Variants in NRXN3 observed in about 807,000 individuals in gnomAD.
NRXN3 encodes neurexin 3.
NRXN3 carries 32 observed loss-of-function variants against 137.6 expected under a neutral mutation model. That is an observed-to-expected ratio of 0.23 (90% CI 0.18 to 0.31). The LOEUF (loss-of-function observed/expected upper bound fraction) is 0.31, where lower values mean the gene tolerates loss of function less well. NRXN3 is among the 10% of genes least tolerant of loss of function. The probability of loss-of-function intolerance (pLI) is 1.00; values close to 1 mark genes in which losing one functional copy is unlikely to be tolerated. For missense variants in NRXN3, 1,574 were observed against 2,062.5 expected (o/e 0.76, Z 4.59); for synonymous variants, 798 against 784.5 (o/e 1.02, Z -0.29).
chr14:78,746,762 A>T (rs1250911899), intron 8 of NRXN3, among the ~76,000 whole-genome samples: 2 of 152,216 alleles, frequency 1.3e-5, no homozygotes, highest in African/African-American at 4.8e-5. Context: ...TTTGGTCCTC[A>T]CATCTTCTTT....
intron 18 of NRXN3, among the ~76,000 whole-genome samples, chr14:79,693,786 G>A (rs923031705): frequency 2.0e-5 from 3 of 151,764 alleles, no homozygotes; most frequent in Admixed American, 6.6e-5. Flanking sequence ...GATGGGGGGA[G>A]GGGTGGCTGA....
At chr14:79,039,380 C>G (rs1223960895) in intron 15 of NRXN3, among the ~76,000 whole-genome samples, 1 of 152,054 alleles carries the variant, frequency 6.6e-6, no homozygotes, top group African/African-American at 2.4e-5. Context: ...TAACAGTTTC[C>G]ACTCAACAAT....
chr14:78,377,893 A>G (rs1184505081), intron 4 of NRXN3, among the ~76,000 whole-genome samples: 1 of 152,234 alleles, frequency 6.6e-6, no homozygotes, highest in Non-Finnish European at 1.5e-5. Context: ...TAACAATATA[A>G]AATAACTCAA....
intron 18 of NRXN3, among the ~76,000 whole-genome samples, chr14:79,694,459 C>A (rs1203729538): frequency 2.0e-5 from 3 of 151,550 alleles, no homozygotes; most frequent in Admixed American, 6.6e-5. Flanking sequence ...TTGTTATAAC[C>A]AAATTTTGCA....
At chr14:79,187,660 C>CAAAAAAAAA (rs1272684800) in intron 15 of NRXN3, among the ~76,000 whole-genome samples, 28 of 20,306 alleles carry the variant, frequency 1.4e-3, no homozygotes, top group African/African-American at 4.9e-3. Context: ...GACTCCGTCT[C>CAAAAAAAAA]AAAAAAAAAA....
At chr14:79,096,110 CTT>C (rs58994977) in intron 15 of NRXN3, among the ~76,000 whole-genome samples, 5 of 144,626 alleles carry the variant, frequency 3.5e-5, no homozygotes, top group Admixed American at 6.9e-5. Flanking sequence ...TTATTCTATT[CTT>C]TTTTTTTTTT....
chr14:78,355,642 A>G (rs2084184347), intron 4 of NRXN3, among the ~76,000 whole-genome samples: 1 of 152,168 alleles, frequency 6.6e-6, no homozygotes, highest in Non-Finnish European at 1.5e-5. Flanking sequence ...CTGGTCTTGA[A>G]CTGCTGGCCT....
At chr14:78,574,392 G>A (rs1294870235) in intron 4 of NRXN3, among the ~76,000 whole-genome samples, 1 of 152,176 alleles carries the variant, frequency 6.6e-6, no homozygotes, top group African/African-American at 2.4e-5. Context: ...AAAGCTGCAG[G>A]GACTCAATGC....
intron 4 of NRXN3, among the ~76,000 whole-genome samples, chr14:78,518,557 G>C (rs954199036): frequency 6.6e-6 from 1 of 152,074 alleles, no homozygotes; most frequent in Non-Finnish European, 1.5e-5. Context: ...AAACCTCTGG[G>C]ATCCAGCAGA....
intron 19 of NRXN3, among the ~76,000 whole-genome samples, chr14:79,740,743 T>TAAATATAA (rs2098959877): frequency 2.1e-5 from 1 of 48,262 alleles, no homozygotes; most frequent in Non-Finnish European, 4.5e-5. Context: ...TATATATATA[T>TAAATATAA]ATATATATAT....
At chr14:78,617,888 TAA>T (rs1298867648) in intron 4 of NRXN3, among the ~76,000 whole-genome samples, 1 of 150,236 alleles carries the variant, frequency 6.7e-6, no homozygotes, top group Non-Finnish European at 1.5e-5. Flanking sequence ...GGTGCAAAAG[TAA>T]TTGCGGTTTT....
intron 4 of NRXN3, among the ~76,000 whole-genome samples, chr14:78,576,619 C>T (rs186465688): frequency 3.6e-4 from 55 of 152,160 alleles, no homozygotes; most frequent in African/African-American, 9.9e-4. Flanking sequence ...GGCAGAGGCA[C>T]GGGCAAGCTT....
At chr14:79,122,914 A>G (rs947140288) in intron 15 of NRXN3, among the ~76,000 whole-genome samples, 5 of 152,338 alleles carry the variant, frequency 3.3e-5, no homozygotes, top group African/African-American at 1.2e-4. Flanking sequence ...TTATAATTTG[A>G]AAACCTCTAT....
chr14:79,115,312 C>T (rs545055467), intron 15 of NRXN3, among the ~76,000 whole-genome samples: 13 of 118,262 alleles, frequency 1.1e-4, no homozygotes, highest in East Asian at 9.3e-4. Context: ...GCAAGAAGAA[C>T]GAAACTCTGT....
At chr14:78,176,885 AG>A (rs1173426149) in intron 1 of NRXN3, among the ~76,000 whole-genome samples, 2 of 151,980 alleles carry the variant, frequency 1.3e-5, no homozygotes, top group East Asian at 1.9e-4. Flanking sequence ...TGTGTCTCTA[AG>A]GAAGGCACAC....
chr14:79,424,193 A>G (rs1337483200), intron 15 of NRXN3, among the ~76,000 whole-genome samples: 1 of 152,236 alleles, frequency 6.6e-6, no homozygotes, highest in Non-Finnish European at 1.5e-5. Flanking sequence ...AGAGACTATC[A>G]TATGGGATTG....
Position 78,223,610 on chromosome 14 carries a change from G to A in NRXN3, c.-703-18781G>A, listed in dbSNP as rs139427978. Reference sequence around the variant, plus strand: ...GGTGGATGTTCAGGTTTCAGCGTTGGGTTGTGCCTGTTCTTCTACTTTGGT... The same window carrying A: ...GGTGGATGTTCAGGTTTCAGCGTTGAGTTGTGCCTGTTCTTCTACTTTGGT... On this transcript the variant is annotated intron_variant, in intron 1 of 20. Transcript: ENST00000335750. Among the ~76,000 whole-genome samples, 103 of 152,288 alleles carry A rather than the reference G, an allele frequency of 6.8e-4. 2 individuals are homozygous for A. Among genetic ancestry groups the A allele is most frequent in the African/African-American group, 2.4e-3 (99 of 41,540 alleles).
At chr14:78,234,438 A>C (rs906960063) in intron 1 of NRXN3, among the ~76,000 whole-genome samples, 4 of 152,232 alleles carry the variant, frequency 2.6e-5, no homozygotes, top group African/African-American at 9.6e-5. Context: ...TTCACAGAGA[A>C]GACAACGGAG....
At position 78,840,019 on chromosome 14, in the gene NRXN3, A is replaced by G. The variant is rs532993385; in HGVS notation, c.2275+29675A>G. Among the ~76,000 whole-genome samples, 4 of 152,310 alleles carry G rather than the reference A, an allele frequency of 2.6e-5. No individual in the cohort carries two copies. In the East Asian group the frequency reaches 7.7e-4, roughly 29 times the overall value. ...GCAAGATCCAAGAATATCAGCTTTAAGATTTGTTTTTCTATTCTCAGAATA... is the reference window on the plus strand; with the variant it reads ...GCAAGATCCAAGAATATCAGCTTTAGGATTTGTTTTTCTATTCTCAGAATA... On this transcript the variant is annotated intron_variant, in intron 10 of 20. Transcript: ENST00000335750.
Sources: gnomAD v4.1 joint callset for allele counts (sites outside exome capture counted in the v4.1 genomes callset) on GRCh38, gnomAD v4.1.1 for gene constraint, MANE v1.5 for transcripts, NCBI Gene and HGNC (gene_info 2026-07-23, HGNC 2026-07-21) for gene names.